The following AJAP1 variants were observed in gnomAD, a reference collection of about 807,000 sequenced individuals.
The protein encoded by AJAP1 is adherens junctions associated protein 1, also known as adherens junction-associated protein 1.
In AJAP1, 5 loss-of-function variants were observed where a neutral mutation model predicts 35.0. The ratio of observed to expected loss-of-function variants is 0.14; its 90% confidence interval spans 0.07 to 0.30. The LOEUF is 0.30. AJAP1 is among the 10% of genes least tolerant of loss of function. The pLI, the probability that AJAP1 is intolerant of heterozygous loss-of-function variation, is 1.00. For synonymous variants in AJAP1, 284 were observed against 249.3 expected (o/e 1.14, Z -1.31); for missense variants, 586 against 571.0 (o/e 1.03, Z -0.27).
At chr1:4,730,672 C>T (rs1334907078) in intron 2 of AJAP1, among the ~76,000 whole-genome samples, 1 of 152,284 alleles carries the variant, frequency 6.6e-6, no homozygotes, top group East Asian at 1.9e-4. Flanking sequence ...GGGAAAGGAC[C>T]CGTGTTCCCA....
At chr1:4,772,620 G>C (rs1050426313) in intron 4 of AJAP1, 95 bp downstream of exon 4, 44 of 1,533,888 alleles carry the variant, frequency 2.9e-5, no homozygotes, top group Non-Finnish European at 3.7e-5. Flanking sequence ...CTGTTGGTCG[G>C]TTTAGGTCTT....
chr1:4,726,687 G>T (rs141515375), intron 2 of AJAP1, among the ~76,000 whole-genome samples: 71 of 152,268 alleles, frequency 4.7e-4, no homozygotes, highest in African/African-American at 1.6e-3. Flanking sequence ...CAGAAATCCT[G>T]ATTCAGGCAG....
At chr1:4,754,022 A>G (rs868341210) in intron 2 of AJAP1, among the ~76,000 whole-genome samples, 7 of 152,234 alleles carry the variant, frequency 4.6e-5, no homozygotes, top group South Asian at 4.1e-4. Context: ...AATGCTAGAC[A>G]TTGTGCATGA....
At chr1:4,670,564 T>A (rs1412935217) in intron 1 of AJAP1, among the ~76,000 whole-genome samples, 1 of 152,192 alleles carries the variant, frequency 6.6e-6, no homozygotes, top group Non-Finnish European at 1.5e-5. Flanking sequence ...AGCCTGTTAC[T>A]TTTCACTGGA....
chr1:4,710,947 C>T (rs1236919911), intron 1 of AJAP1, among the ~76,000 whole-genome samples: 1 of 152,196 alleles, frequency 6.6e-6, no homozygotes. Flanking sequence ...CTGACTTCTC[C>T]CCTGCAGCCC....
intron 2 of AJAP1, among the ~76,000 whole-genome samples, chr1:4,749,464 G>T (rs925602972): frequency 2.0e-5 from 3 of 152,218 alleles, no homozygotes; most frequent in Non-Finnish European, 4.4e-5. Flanking sequence ...TGGGATCCTC[G>T]CATGGATGCA....
chr1:4,688,002 C>T (rs1165781238), intron 1 of AJAP1, among the ~76,000 whole-genome samples: 1 of 152,220 alleles, frequency 6.6e-6, no homozygotes, highest in Non-Finnish European at 1.5e-5. Context: ...GAACCTCTCC[C>T]TGGGGTCCAG....
At chr1:4,748,012 A>T (rs1335245567) in intron 2 of AJAP1, among the ~76,000 whole-genome samples, 6 of 151,300 alleles carry the variant, frequency 4.0e-5, no homozygotes, top group Non-Finnish European at 8.8e-5. Flanking sequence ...AAACAAAGCA[A>T]AAAAACCCTC....
intron 2 of AJAP1, among the ~76,000 whole-genome samples, chr1:4,729,501 T>C (rs1347413948): frequency 7.6e-6 from 1 of 130,870 alleles, no homozygotes; most frequent in African/African-American, 2.8e-5. Context: ...CAGTTGCTCG[T>C]TGAAGTATGG....
In AJAP1 at chr1:4,772,492, C is replaced by T. The variant is rs202026791; in HGVS notation, c.1130C>T (p.Thr377Met). 9.6e-5 allele frequency: 155 copies of T among 1,614,182 alleles called. No homozygotes were observed. In the East Asian group the frequency reaches 2.4e-3, roughly 25 times the overall value. Reference protein sequence around the residue: ...VYTDETLHSTTGEYKSTFNGN... With the variant: ...VYTDETLHSTMGEYKSTFNGN... ...ACCGATGAGACGCTGCACTCGACGA[C>T]GGGGGAGTACAAATCCACATTTAAT... Residue 377 changes from threonine to methionine, a missense_variant, in exon 4 of 6, where the codon ACG becomes ATG. By Grantham distance (81) the Thr-to-Met change is moderately conservative. Transcript: ENST00000378191.
At chr1:4,664,215 C>T (rs565222729) in intron 1 of AJAP1, among the ~76,000 whole-genome samples, 7 of 152,168 alleles carry the variant, frequency 4.6e-5, no homozygotes, top group Admixed American at 1.3e-4. Flanking sequence ...GCCTCTGAAC[C>T]GTTACATCCT....
intron 4 of AJAP1, among the ~76,000 whole-genome samples, chr1:4,773,314 T>G (rs10915598): frequency 0.07 from 10,695 of 152,254 alleles, 448 homozygotes; most frequent in Middle Eastern, 0.18. Flanking sequence ...GCAAGGTGAC[T>G]GGACTCGAGT....
intron 1 of AJAP1, among the ~76,000 whole-genome samples, chr1:4,695,241 G>A (rs1375080411): frequency 6.6e-6 from 1 of 152,168 alleles, no homozygotes; most frequent in South Asian, 2.1e-4. Context: ...GGGACCATGA[G>A]GAAAGGGTGG....
chr1:4,692,609 A>G lies in AJAP1; in HGVS notation c.30-19291A>G, dbSNP rs763321269. ...CGGGGCCTTCCCTAGTGGACCCCAC[A>G]AATCAAGCCTCATCATTCCTTCTCT... On this transcript the variant is annotated intron_variant, in intron 1 of 5. Transcript: ENST00000378191. The surrounding 1 kb of genome is among the most constrained non-coding windows in gnomAD (Gnocchi z 4.4). Among the ~76,000 whole-genome samples, 1 of 152,190 alleles carries G rather than the reference A, an allele frequency of 6.6e-6. No homozygotes were observed. The highest frequency in any genetic ancestry group is 1.5e-5 in the Non-Finnish European group (1 of 68,036).
intron 2 of AJAP1, among the ~76,000 whole-genome samples, chr1:4,731,360 C>T (rs907613183): frequency 5.9e-5 from 9 of 152,188 alleles, no homozygotes; most frequent in Admixed American, 2.6e-4. Context: ...GGATTACAGG[C>T]GTGAGCCACT....
At chr1:4,772,015 G>A (rs940615476) in intron 3 of AJAP1, among the ~76,000 whole-genome samples, 18 of 151,764 alleles carry the variant, frequency 1.2e-4, no homozygotes, top group African/African-American at 3.4e-4. Flanking sequence ...CTAGCTCTGC[G>A]ATCACACAGC....
intron 2 of AJAP1, among the ~76,000 whole-genome samples, chr1:4,743,420 G>C (rs1285222882): frequency 6.6e-6 from 1 of 152,142 alleles, no homozygotes; most frequent in Non-Finnish European, 1.5e-5. Context: ...AAGGGAAGGG[G>C]CTTAGGATGG....
At chr1:4,678,919 G>T (rs148160756) in intron 1 of AJAP1, among the ~76,000 whole-genome samples, 86 of 152,326 alleles carry the variant, frequency 5.6e-4, no homozygotes, top group Non-Finnish European at 1.0e-3. Context: ...AACCGAGTAG[G>T]TATGCTCCTA....
intron 5 of AJAP1, among the ~76,000 whole-genome samples, 180 bp downstream of exon 5, chr1:4,774,738 G>A (rs1641909495): frequency 6.6e-6 from 1 of 151,992 alleles, no homozygotes; most frequent in African/African-American, 2.4e-5. Flanking sequence ...CTTGATGTTG[G>A]ATTTGTTAGA....
Sources: gnomAD v4.1 joint callset for allele counts (sites outside exome capture counted in the v4.1 genomes callset) on GRCh38, gnomAD v4.1.1 for gene constraint, Gnocchi (gnomAD v3.1) non-coding constraint, MANE v1.5 for transcripts, NCBI Gene and HGNC (gene_info 2026-07-23, HGNC 2026-07-21) for gene names.